Variants in REDIC1 observed in about 807,000 individuals in gnomAD.
REDIC1 encodes the protein regulator of DNA class I crossover intermediates 1.
At chr12:39,728,230 AG>A in the REDIC1 span, among the ~76,000 whole-genome samples, 1 of 152,156 alleles carries the variant, frequency 6.6e-6, no homozygotes, top group Non-Finnish European at 1.5e-5. Context: ...TGGTTTTTAA[AG>A]GGAATGCTTC....
At chr12:39,692,240 A>G in the REDIC1 span, 3 of 880,428 alleles carry the variant, frequency 3.4e-6, no homozygotes, top group African/African-American at 1.7e-5. Context: ...TTTTAGTACT[A>G]CTAATGCAAT....
chr12:39,806,892 A>G, the REDIC1 span, among the ~76,000 whole-genome samples: 1 of 152,190 alleles, frequency 6.6e-6, no homozygotes, highest in African/African-American at 2.4e-5. Context: ...CTACTCAGCA[A>G]TAAGAAGGTG....
the REDIC1 span, among the ~76,000 whole-genome samples, chr12:39,706,945 G>C: frequency 4.7e-4 from 72 of 151,982 alleles, no homozygotes; most frequent in African/African-American, 1.7e-3. Flanking sequence ...ATTCCTTTGG[G>C]TAAAAATTTC....
At chr12:39,835,579 A>G in the REDIC1 span, 1 of 152,162 alleles carries the variant, frequency 6.6e-6, no homozygotes, top group Non-Finnish European at 1.5e-5. Flanking sequence ...ATCCACATTT[A>G]GTAAAGCTGA....
chr12:39,796,422 TA>T, the REDIC1 span, among the ~76,000 whole-genome samples: 95,469 of 117,544 alleles, frequency 0.81, 38,783 homozygotes, highest in South Asian at 0.91. Context: ...GGACCCATCT[TA>T]AAAAAAAAAA....
the REDIC1 span, among the ~76,000 whole-genome samples, chr12:39,773,920 G>A: frequency 2.0e-5 from 3 of 152,272 alleles, no homozygotes; most frequent in East Asian, 5.8e-4. Context: ...TGGGCTTACT[G>A]CACAAGCTTG....
chr12:39,881,647 T>C, the REDIC1 span, among the ~76,000 whole-genome samples: 1 of 152,162 alleles, frequency 6.6e-6, no homozygotes, highest in African/African-American at 2.4e-5. Flanking sequence ...CGTCCCATAC[T>C]CTTTTTCTGT....
chr12:39,838,053 G>A, the REDIC1 span, among the ~76,000 whole-genome samples: 1 of 150,270 alleles, frequency 6.7e-6, no homozygotes, highest in Non-Finnish European at 1.5e-5. Flanking sequence ...TATATTTATT[G>A]TGGCATTATT....
chr12:39,711,815 GTACACA>G, the REDIC1 span, among the ~76,000 whole-genome samples: 1,852 of 87,088 alleles, frequency 0.021, 33 homozygotes, highest in Non-Finnish European at 0.031. Flanking sequence ...GTGTATGTGT[GTACACA>G]TGCATGTGTA....
chr12:39,650,682 C>T, the REDIC1 span, among the ~76,000 whole-genome samples: 2 of 152,104 alleles, frequency 1.3e-5, no homozygotes, highest in Non-Finnish European at 2.9e-5. This position sits in a 1 kb window ranked among gnomAD's most constrained non-coding sequence, Gnocchi z 4.3. Context: ...AAGTGATTCT[C>T]GTGCCTTAGC....
At chr12:39,732,125 C>G in the REDIC1 span, among the ~76,000 whole-genome samples, 5 of 152,194 alleles carry the variant, frequency 3.3e-5, no homozygotes, top group African/African-American at 1.2e-4. Context: ...CCTAGACACT[C>G]AAGTTTAATT....
At chr12:39,883,198 C>A in the REDIC1 span, among the ~76,000 whole-genome samples, 1 of 151,866 alleles carries the variant, frequency 6.6e-6, no homozygotes, top group Non-Finnish European at 1.5e-5. Flanking sequence ...TCAAACAATC[C>A]AAAGGATTAA....
At chr12:39,692,547 T>C in the REDIC1 span, among the ~76,000 whole-genome samples, 13 of 146,986 alleles carry the variant, frequency 8.8e-5, no homozygotes, top group African/African-American at 1.8e-4. Flanking sequence ...CTTTTTTTTT[T>C]CACCCAATAT....
the REDIC1 span, chr12:39,830,461 G>A: frequency 8.1e-7 from 1 of 1,233,434 alleles, no homozygotes; most frequent in Admixed American, 3.6e-5. Flanking sequence ...TTGAGCTGAA[G>A]GAGGCTTGGA....
At chr12:39,804,999 C>A in the REDIC1 span, among the ~76,000 whole-genome samples, 1 of 152,278 alleles carries the variant, frequency 6.6e-6, no homozygotes, top group Non-Finnish European at 1.5e-5. Flanking sequence ...AGGGAGAAGA[C>A]TGCTGGGGAG....
chr12:39,707,661 C>T, the REDIC1 span, among the ~76,000 whole-genome samples: 13 of 151,872 alleles, frequency 8.6e-5, no homozygotes, highest in African/African-American at 2.4e-4. Context: ...TAAACACAAT[C>T]TAATAATCTA....
At chr12:39,882,232 G>C in the REDIC1 span, among the ~76,000 whole-genome samples, 1 of 152,080 alleles carries the variant, frequency 6.6e-6, no homozygotes, top group Non-Finnish European at 1.5e-5. Flanking sequence ...TGGAAGACTT[G>C]TTCAAAAACA....
the REDIC1 span, among the ~76,000 whole-genome samples, chr12:39,685,556 A>G: frequency 1.4e-4 from 21 of 152,226 alleles, no homozygotes; most frequent in African/African-American, 5.1e-4. Context: ...ACCTCCCACC[A>G]AGCCCCACCT....
the REDIC1 span, among the ~76,000 whole-genome samples, chr12:39,693,590 A>G: frequency 6.6e-6 from 1 of 152,120 alleles, no homozygotes; most frequent in Admixed American, 6.5e-5. Context: ...TATTTAATAA[A>G]ATATTCCTAT....
Sources: allele counts gnomAD v4.1 joint callset (sites outside exome capture counted in the v4.1 genomes callset), GRCh38; gene constraint gnomAD v4.1.1; non-coding constraint Gnocchi (gnomAD v3.1); transcripts MANE v1.5; gene names NCBI Gene and HGNC (gene_info 2026-07-23, HGNC 2026-07-21).